Variants in UTRN observed in about 807,000 individuals in gnomAD.
UTRN encodes the protein dystrophin-related protein 1.
In UTRN, 283 loss-of-function variants were observed where a neutral mutation model predicts 463.9. The ratio of observed to expected loss-of-function variants is 0.61; its 90% CI spans 0.55 to 0.67. The LOEUF is 0.67. Among genes scored for constraint, UTRN ranks in the 30% least tolerant of loss-of-function variants. UTRN has a pLI of 0.00. For synonymous variants in UTRN, 1,442 were observed against 1,431.5 expected (o/e 1.01, Z -0.17); for missense variants, 3,922 against 4,084.3 (o/e 0.96, Z 1.08).
intron 30 of UTRN, 104 bp downstream of exon 30, chr6:144,488,938 T>C: frequency 8.7e-7 from 1 of 1,145,670 alleles, no homozygotes; most frequent in Non-Finnish European, 1.2e-6. Flanking sequence ...CGAGAGTCAA[T>C]GGGAAAGATT....
At chr6:144,334,072 A>C (rs1562260343) in intron 2 of UTRN, among the ~76,000 whole-genome samples, 1 of 152,002 alleles carries the variant, frequency 6.6e-6, no homozygotes, top group African/African-American at 2.4e-5. Context: ...ATGCCCTTTT[A>C]TTTTTTTCCC....
At chr6:144,438,996 A>G in intron 12 of UTRN, 101 bp downstream of exon 12, 1 of 1,283,088 alleles carries the variant, frequency 7.8e-7, no homozygotes, top group Non-Finnish European at 1.1e-6. Flanking sequence ...TGAAGTTGGG[A>G]CACTTCTTCA....
At chr6:144,498,416 AAAT>A (rs1225845316) in intron 33 of UTRN, among the ~76,000 whole-genome samples, 3 of 152,244 alleles carry the variant, frequency 2.0e-5, no homozygotes, top group African/African-American at 7.2e-5. Context: ...AATGAGAGCA[AAAT>A]AATAATAAGG....
At chr6:144,839,360 T>TAACA in intron 72 of UTRN, 76 bp downstream of exon 72, 1 of 1,228,320 alleles carries the variant, frequency 8.1e-7, no homozygotes, top group East Asian at 2.4e-5. Context: ...TCCTGTTAAG[T>TAACA]AACATTCCTA....
At chr6:144,488,456 T>C (rs1792697455) in intron 29 of UTRN, among the ~76,000 whole-genome samples, 1 of 152,210 alleles carries the variant, frequency 6.6e-6, no homozygotes, top group African/African-American at 2.4e-5. Context: ...CAACATTATA[T>C]ATAGAAAGAA....
chr6:144,432,845 T>G (rs1786010466), intron 9 of UTRN, among the ~76,000 whole-genome samples: 3 of 152,142 alleles, frequency 2.0e-5, no homozygotes, highest in Admixed American at 2.0e-4. Context: ...TTCCGCAGTG[T>G]TTGTGTCCCT....
At chr6:144,467,532 A>G (rs1197016269) in intron 23 of UTRN, among the ~76,000 whole-genome samples, 1 of 152,152 alleles carries the variant, frequency 6.6e-6, no homozygotes, top group Non-Finnish European at 1.5e-5. Flanking sequence ...AAGTGGCAGG[A>G]CACCTGTGTA....
intron 50 of UTRN, among the ~76,000 whole-genome samples, chr6:144,560,207 T>C (rs565874939): frequency 6.6e-6 from 1 of 151,914 alleles, no homozygotes; most frequent in South Asian, 2.1e-4. Flanking sequence ...AATGGCAGAG[T>C]TGGGATTGGA....
At chr6:144,424,389 T>C (rs1430136709) in intron 6 of UTRN, among the ~76,000 whole-genome samples, 1 of 152,212 alleles carries the variant, frequency 6.6e-6, no homozygotes, top group Non-Finnish European at 1.5e-5. Context: ...CCTGTGTGCA[T>C]ATCTGTCAAA....
In UTRN at chr6:144,346,177, C is replaced by CAA. The variant is rs5880590; in HGVS notation, c.79+54283_79+54284dup. ...TGGGTGAAAGAGCAAAACTCTGTCTCAAAAAAAAAAAAAATAAAATAAAAA... is the reference window on the plus strand; with the variant it reads ...TGGGTGAAAGAGCAAAACTCTGTCTCAAAAAAAAAAAAAAAATAAAATAAAAA... On this transcript the variant is annotated intron_variant, in intron 2 of 74. Coordinates refer to ENST00000367545, the MANE Select transcript of UTRN (RefSeq NM_007124.3). Among the ~76,000 whole-genome samples the CAA allele has an allele frequency of 4.9e-3, 632 of 128,472 alleles. 3 individuals carry two copies. The highest frequency in any genetic ancestry group is 0.018 in the South Asian group (76 of 4,224). 84.3% of individuals were successfully genotyped at this position (128,472 alleles called of 152,430 possible).
At chr6:144,592,145 CT>C (rs977687679) in intron 51 of UTRN, among the ~76,000 whole-genome samples, 2 of 152,114 alleles carry the variant, frequency 1.3e-5, no homozygotes, top group Admixed American at 6.5e-5. Context: ...TATATTGTGA[CT>C]TTTTTAAAAC....
At chr6:144,518,982 G>A (rs1481693514) in intron 39 of UTRN, among the ~76,000 whole-genome samples, 4 of 152,030 alleles carry the variant, frequency 2.6e-5, no homozygotes, top group Non-Finnish European at 5.9e-5. Context: ...ACCTAGGTGT[G>A]GGCATTTACA....
chr6:144,516,508 G>A (rs1585087863), intron 38 of UTRN, 121 bp downstream of exon 38: 3 of 1,166,752 alleles, frequency 2.6e-6, no homozygotes, highest in East Asian at 5.0e-5. Flanking sequence ...ATTCAAATGT[G>A]ATTTTTTGAT....
intron 3 of UTRN, among the ~76,000 whole-genome samples, chr6:144,404,573 A>G (rs1248073746): frequency 6.6e-6 from 1 of 152,202 alleles, no homozygotes; most frequent in Non-Finnish European, 1.5e-5. Context: ...GTTTAGATAG[A>G]ACAAGTGAAG....
chr6:144,508,426 G>A (rs1215968486), intron 34 of UTRN, among the ~76,000 whole-genome samples: 1 of 152,206 alleles, frequency 6.6e-6, no homozygotes, highest in Admixed American at 6.5e-5. Context: ...AAGGCCTTGA[G>A]AAAAGTGTAG....
At position 144,835,786 on chromosome 6, in the gene UTRN, C is replaced by T. The variant is rs749847649; in HGVS notation, c.9672C>T (p.Asp3224=). Residue 3224 remains aspartate (D), a synonymous_variant, in exon 70 of 75, where the codon GAC becomes GAT. Transcript: ENST00000367545. ...DSSSTTGSVE[D]EHALIQQYCQ... is the part of the protein sequence containing the mutation. ...GTTTCCTTTGTCTTGCTAGGGAAGA[C>T]GAGCACGCCCTCATCCAGCAGTATT... 11 of 1,613,806 alleles carry T rather than the reference C, an allele frequency of 6.8e-6. No individual in the cohort carries two copies. The highest frequency in any genetic ancestry group is 2.2e-5 in the South Asian group (2 of 91,062).
intron 3 of UTRN, among the ~76,000 whole-genome samples, chr6:144,417,318 C>A (rs1002813370): frequency 6.6e-6 from 1 of 152,128 alleles, no homozygotes; most frequent in African/African-American, 2.4e-5. Flanking sequence ...AGCAGTATAG[C>A]ACAGATGTTG....
At chr6:144,664,471 CT>C (rs11446896) in intron 51 of UTRN, among the ~76,000 whole-genome samples, 3,718 of 141,184 alleles carry the variant, frequency 0.026, 67 homozygotes, top group Non-Finnish European at 0.043. Flanking sequence ...TGTTGTCTTA[CT>C]TTTTTTTTTT....
intron 51 of UTRN, among the ~76,000 whole-genome samples, chr6:144,597,510 C>T (rs931674088): frequency 3.9e-5 from 6 of 152,056 alleles, no homozygotes; most frequent in Admixed American, 6.6e-5. Context: ...CTCTAAAATT[C>T]GATATAGTAG....
Sources: gnomAD v4.1 joint callset for allele counts (sites outside exome capture counted in the v4.1 genomes callset) on GRCh38, gnomAD v4.1.1 for gene constraint, MANE v1.5 for transcripts, NCBI Gene and HGNC (gene_info 2026-07-23, HGNC 2026-07-21) for gene names.